The following OSBPL1A variants were observed in gnomAD, a reference collection of about 807,000 sequenced individuals.
OSBPL1A encodes the protein oxysterol binding protein like 1A, also known as oxysterol-binding protein-related protein 1.
OSBPL1A carries 80 observed loss-of-function variants against 137.1 expected under a neutral mutation model. That is an observed-to-expected ratio of 0.58 (90% CI 0.49 to 0.70). The LOEUF (loss-of-function observed/expected upper bound fraction) is 0.70. Among genes scored for constraint, OSBPL1A ranks in the 30% least tolerant of loss-of-function variants. The pLI is 0.00. For missense variants in OSBPL1A, 970 were observed against 1,129.4 expected, an observed-to-expected ratio of 0.86 and a Z score of 2.02; for synonymous variants, 365 against 389.7, an observed-to-expected ratio of 0.94 and a Z score of 0.75.
chr18:24,260,454 C>T (rs2089416597), intron 15 of OSBPL1A, among the ~76,000 whole-genome samples: 1 of 152,192 alleles, frequency 6.6e-6, no homozygotes, highest in Non-Finnish European at 1.5e-5. Context: ...TATATACATA[C>T]CATACTTCTT....
chr18:24,199,550 C>T (rs61449388), intron 17 of OSBPL1A, among the ~76,000 whole-genome samples: 3,521 of 152,258 alleles, frequency 0.023, 162 homozygotes, highest in East Asian at 0.21. Context: ...ACTGCTGTGG[C>T]CCTGTTGCCT....
At chr18:24,317,035 TACAGCATTCC>T in intron 11 of OSBPL1A, 104 bp downstream of exon 11, 2 of 1,038,544 alleles carry the variant, frequency 1.9e-6, no homozygotes, top group Admixed American at 4.6e-5. Context: ...AAGTGTTTTC[TACAGCATTCC>T]ACAGAACCCC....
intron 17 of OSBPL1A, among the ~76,000 whole-genome samples, chr18:24,224,840 G>GTGCT (rs1226930723): frequency 6.6e-6 from 1 of 152,220 alleles, no homozygotes; most frequent in Non-Finnish European, 1.5e-5. Context: ...CTAAGCCCAT[G>GTGCT]TGCTCTGTTC....
At chr18:24,284,129 C>A (rs1334804672) in intron 14 of OSBPL1A, among the ~76,000 whole-genome samples, 2 of 152,052 alleles carry the variant, frequency 1.3e-5, no homozygotes, top group Non-Finnish European at 2.9e-5. Flanking sequence ...AATTGCCGAA[C>A]CTTGCCGTAT....
chr18:24,254,236 A>G (rs2089198157), intron 15 of OSBPL1A, among the ~76,000 whole-genome samples: 1 of 152,246 alleles, frequency 6.6e-6, no homozygotes, highest in Admixed American at 6.5e-5. Flanking sequence ...GCTAGACCTC[A>G]ATATAATAAT....
chr18:24,219,442 A>G (rs1029769353), intron 17 of OSBPL1A, among the ~76,000 whole-genome samples: 1 of 152,182 alleles, frequency 6.6e-6, no homozygotes. Context: ...TTCCATAATA[A>G]AAAGTTTTAG....
chr18:24,172,271 G>C (rs2086307337), intron 22 of OSBPL1A, 105 bp downstream of exon 22: 1 of 852,726 alleles, frequency 1.2e-6, no homozygotes, highest in Non-Finnish European at 1.9e-6. Context: ...TCATCAGCCT[G>C]TTCTAGAGCT....
intron 7 of OSBPL1A, 126 bp downstream of exon 7, chr18:24,332,816 C>G: frequency 8.3e-7 from 1 of 1,201,802 alleles, no homozygotes. Context: ...TGCCTTGGCT[C>G]CAAAATTAAA....
chr18:24,280,471 T>A (rs1434594214), intron 15 of OSBPL1A, among the ~76,000 whole-genome samples: 4 of 152,216 alleles, frequency 2.6e-5, no homozygotes, highest in African/African-American at 9.6e-5. Flanking sequence ...TCCATTGGGC[T>A]TAGTTTACAT....
rs1263738277 is a variant in OSBPL1A at position 24,250,179 on chromosome 18, TTTGTTTG to T, written c.1282-10804_1282-10798del. Among the ~76,000 whole-genome samples the T allele has an allele frequency of 7.2e-5, 4 of 55,190 alleles. No homozygotes were observed. In the East Asian group the frequency reaches 4.2e-3, roughly 57 times the overall value. The allele number at this position is 55,190 out of a possible 152,430, so 36.2% of individuals were successfully genotyped here. A position where few individuals can be genotyped will look rare whatever the true frequency, so the allele number is the denominator to read the frequency against. ...TTTTGTTTGTTTGTTTGTTTGTTTG[TTTGTTTG>T]TTTTTTTTGACATGGAGTCTCACTC... On this transcript the variant is annotated intron_variant, in intron 15 of 27. Coordinates refer to ENST00000319481, the MANE Select transcript of OSBPL1A (RefSeq NM_080597.4).
rs76231215 is a variant in OSBPL1A at position 24,325,567 on chromosome 18, C to G, written c.626-6758G>C. ...CTTTGCATCCCTTCTAAGATACCCC[C>G]CATCCTACCATCACTCTCTAGTCCC... On this transcript the variant is annotated intron_variant, in intron 7 of 27. Coordinates refer to ENST00000319481, the MANE Select transcript of OSBPL1A (RefSeq NM_080597.4). Among the ~76,000 whole-genome samples, 510 of 152,306 alleles carry G rather than the reference C, an allele frequency of 3.3e-3. 1 individual carries two copies. The highest frequency in any genetic ancestry group is 0.01 in the Middle Eastern group (3 of 294).
Position 24,172,735 on chromosome 18 carries a change from G to A in OSBPL1A, c.2094-252C>T, listed in dbSNP as rs147242873. ...TTCCACCAAACTCCAAATAAACTACGTACATAATCATTTTAAGCATTCAAA... is the reference window on the plus strand; with the variant it reads ...TTCCACCAAACTCCAAATAAACTACATACATAATCATTTTAAGCATTCAAA... On this transcript the variant is annotated intron_variant, in intron 21 of 27. Coordinates refer to ENST00000319481, the MANE Select transcript of OSBPL1A (RefSeq NM_080597.4). 1.3e-4 allele frequency among the ~76,000 whole-genome samples: 20 copies of A among 151,656 alleles called. No homozygotes were observed. The East Asian group carries it at 2.1e-3, about 16-fold the overall frequency.
chr18:24,391,416 A>G (rs1907346383), intron 1 of OSBPL1A, among the ~76,000 whole-genome samples: 1 of 152,138 alleles, frequency 6.6e-6, no homozygotes, highest in South Asian at 2.1e-4. Flanking sequence ...CCACTGAATA[A>G]TACACTTAAC....
At chr18:24,308,919 C>T (rs1479174202) in intron 13 of OSBPL1A, among the ~76,000 whole-genome samples, 2 of 151,476 alleles carry the variant, frequency 1.3e-5, no homozygotes, top group Admixed American at 6.6e-5. Context: ...TACAGGCGCC[C>T]GCCACCATGC....
chr18:24,341,044 A>C (rs2091266033), intron 5 of OSBPL1A, among the ~76,000 whole-genome samples: 1 of 152,194 alleles, frequency 6.6e-6, no homozygotes, highest in Non-Finnish European at 1.5e-5. Flanking sequence ...TGCCTGGACC[A>C]AAGTACAGTA....
At chr18:24,272,371 G>T in intron 15 of OSBPL1A, 6 of 811,504 alleles carry the variant, frequency 7.4e-6, no homozygotes, top group Non-Finnish European at 7.4e-6. Context: ...CGCGTTTACG[G>T]TTCCAAAACC....
intron 25 of OSBPL1A, 137 bp from the exon 26 acceptor site, chr18:24,166,839 A>C: frequency 2.3e-6 from 2 of 876,142 alleles, no homozygotes; most frequent in Non-Finnish European, 3.4e-6. Flanking sequence ...TTCTCAGATC[A>C]CACGTATCTA....
intron 15 of OSBPL1A, among the ~76,000 whole-genome samples, chr18:24,269,488 T>C (rs2089663183): frequency 6.6e-6 from 1 of 152,224 alleles, no homozygotes; most frequent in Non-Finnish European, 1.5e-5. Flanking sequence ...TTTAGTCATC[T>C]AATTTTATGA....
intron 5 of OSBPL1A, 32 bp from the exon 6 acceptor site, chr18:24,334,362 T>C: frequency 2.0e-6 from 3 of 1,516,150 alleles, no homozygotes; most frequent in Non-Finnish European, 1.8e-6. Flanking sequence ...TATCCACTGC[T>C]AGTCAGGATC....
Sources: gnomAD v4.1 joint callset for allele counts (sites outside exome capture counted in the v4.1 genomes callset) on GRCh38, gnomAD v4.1.1 for gene constraint, MANE v1.5 for transcripts, NCBI Gene and HGNC (gene_info 2026-07-23, HGNC 2026-07-21) for gene names.